The following WDHD1 variants were observed in gnomAD, a reference collection of about 807,000 sequenced individuals.
The protein encoded by WDHD1 is WD repeat and HMG-box DNA binding protein 1.
WDHD1 carries 111 observed loss-of-function variants against 135.4 expected under a neutral mutation model. The observed-to-expected ratio is 0.82, with a 90% confidence interval of 0.70 to 0.96. The LOEUF is 0.96. Ranked by LOEUF, WDHD1 falls within the 40% of genes least tolerant of loss-of-function variation. The probability of loss-of-function intolerance (pLI) is 0.00; values close to 1 mark genes in which losing one functional copy is unlikely to be tolerated. For synonymous variants in WDHD1, 434 were observed against 439.0 expected, an observed-to-expected ratio of 0.99 and a Z score of 0.14; for missense variants, 1,351 against 1,336.3, an observed-to-expected ratio of 1.01 and a Z score of -0.17.
Position 54,966,519 on chromosome 14 carries a change from G to A in WDHD1, c.2266C>T (p.Gln756Ter). The change falls in exon 18 of 26, where the codon CAA (glutamine) becomes TAA (stop). Residue 756 changes from glutamine (Q) to a stop codon, truncating the protein, a stop_gained. Transcript: ENST00000360586. LOFTEE classifies it high-confidence loss of function. ...AGTTCCTGTTGCTCTTTTGTTGCTT[G>A]ATTTTTAGTGCTCTCTTCATATTCA... Reference protein sequence around the residue: ...GYEYEESTKNQATKEQQELLM... With the variant: ...GYEYEESTKN 7 of 1,607,978 alleles carry A rather than the reference G, an allele frequency of 4.4e-6. No homozygotes were observed. The highest frequency in any genetic ancestry group is 5.9e-6 in the Non-Finnish European group (7 of 1,178,786).
At chr14:54,952,659 A>T (rs1183861270) in intron 24 of WDHD1, among the ~76,000 whole-genome samples, 1 of 152,200 alleles carries the variant, frequency 6.6e-6, no homozygotes, top group Non-Finnish European at 1.5e-5. Context: ...GTTCATATGG[A>T]ACCAAAAAAG....
At chr14:55,009,524 C>T (rs917835958) in intron 4 of WDHD1, among the ~76,000 whole-genome samples, 27 of 151,990 alleles carry the variant, frequency 1.8e-4, no homozygotes, top group Admixed American at 1.3e-3. Flanking sequence ...CTCTGTCTCC[C>T]GGGTTCAAGC....
chr14:54,987,385 T>C lies in WDHD1; in HGVS notation c.1529A>G (p.Lys510Arg). The C allele has an allele frequency of 6.2e-7, 1 of 1,608,828 alleles. No individual in the cohort carries two copies. Among genetic ancestry groups the C allele is most frequent in the Non-Finnish European group, 8.5e-7 (1 of 1,177,724 alleles). The change falls in exon 14 of 26, where the codon AAG becomes AGG. Residue 510 changes from lysine to arginine, a missense_variant and splice_region_variant. This residue lies in a region of WDHD1 where 1,330 missense variants were observed against 1,296.1 expected (regional missense o/e 1.03). Transcript: ENST00000360586. Reference protein sequence around the residue: ...ACESTDELASKLHCLHFSSWD... With the variant: ...ACESTDELASRLHCLHFSSWD... ...AGAACTAAAGTGCAGGCAGTGAAGC[T>C]TGCTAAAAATTAAAACAAGACAGAA...
chr14:54,966,391 A>C, intron 18 of WDHD1, 84 bp downstream of exon 18: 3 of 1,440,146 alleles, frequency 2.1e-6, no homozygotes, highest in Non-Finnish European at 2.8e-6. Context: ...TGTGGGACTT[A>C]GTCCTAATGC....
At chr14:54,964,638 C>CA (rs112754983) in intron 18 of WDHD1, among the ~76,000 whole-genome samples, 1,894 of 126,500 alleles carry the variant, frequency 0.015, 41 homozygotes, top group African/African-American at 0.049. Flanking sequence ...GACTTCGTTT[C>CA]AAAAAAAAAA....
At chr14:55,015,214 G>A (rs1301399495) in intron 2 of WDHD1, among the ~76,000 whole-genome samples, 3 of 151,610 alleles carry the variant, frequency 2.0e-5, no homozygotes. Context: ...GCAAAACCCT[G>A]AGTCTACTAA....
At position 54,963,093 on chromosome 14, in the gene WDHD1, A is replaced by G; in HGVS notation, c.2390T>C (p.Ile797Thr). 1 of 1,580,656 alleles carries G rather than the reference A, an allele frequency of 6.3e-7. No homozygotes were observed. Among genetic ancestry groups the G allele is most frequent in the South Asian group, 1.1e-5 (1 of 90,582 alleles). Residue 797 changes from isoleucine (I) to threonine (T), a missense_variant, in exon 19 of 26, where the codon ATT becomes ACT. Transcript: ENST00000360586. ...LMTQNAVNLA[I>T]KYASRSRKLI... ...TTTCCGAGAGCGAGAAGCATATTTAATGGCTAAATTCACAGCATTTTGAGT... is the reference window on the plus strand; with the variant it reads ...TTTCCGAGAGCGAGAAGCATATTTAGTGGCTAAATTCACAGCATTTTGAGT...
intron 16 of WDHD1, among the ~76,000 whole-genome samples, chr14:54,976,381 C>G (rs984922738): frequency 1.3e-5 from 2 of 152,012 alleles, no homozygotes; most frequent in Non-Finnish European, 2.9e-5. Context: ...ACCACCATGC[C>G]TGGCAGGGTC....
At chr14:54,946,651 C>T (rs1297699986) in intron 24 of WDHD1, among the ~76,000 whole-genome samples, 2 of 152,066 alleles carry the variant, frequency 1.3e-5, no homozygotes, top group African/African-American at 4.8e-5. Context: ...ACACACCTGG[C>T]TGATTTTAAA....
intron 11 of WDHD1, among the ~76,000 whole-genome samples, chr14:54,995,323 TTCTC>T (rs1484959688): frequency 1.3e-5 from 2 of 152,140 alleles, no homozygotes; most frequent in Middle Eastern, 3.2e-3. Context: ...CTCATTGACT[TTCTC>T]TATAGGTTTT....
At chr14:54,959,883 T>C (rs2041223100) in intron 21 of WDHD1, among the ~76,000 whole-genome samples, 1 of 152,162 alleles carries the variant, frequency 6.6e-6, no homozygotes, top group Admixed American at 6.6e-5. Context: ...TTTATAAAAG[T>C]TTCCCCTTTT....
At position 54,981,524 on chromosome 14, in the gene WDHD1, T is replaced by A; in HGVS notation, c.2063+16A>T. 6.2e-7 allele frequency: 1 copy of A among 1,607,692 alleles called. No homozygotes were observed. The highest frequency in any genetic ancestry group is 8.5e-7 in the Non-Finnish European group (1 of 1,178,014). ...TTTTAAAAAGAGTCAACTTTAGACTTCTTTTAATAGCCCACCTTAGTTGCT... is the reference window on the plus strand; with the variant it reads ...TTTTAAAAAGAGTCAACTTTAGACTACTTTTAATAGCCCACCTTAGTTGCT... On this transcript the variant is annotated intron_variant, in intron 16 of 25. Coordinates refer to ENST00000360586, the MANE Select transcript of WDHD1 (RefSeq NM_007086.4).
intron 2 of WDHD1, among the ~76,000 whole-genome samples, chr14:55,025,014 C>T (rs1452404781): frequency 1.1e-5 from 1 of 92,664 alleles, no homozygotes; most frequent in African/African-American, 3.1e-5. Flanking sequence ...GCAGTTGAGA[C>T]AAGAGGAAGG....
At chr14:54,954,398 C>T (rs2041116629) in intron 24 of WDHD1, among the ~76,000 whole-genome samples, 1 of 152,140 alleles carries the variant, frequency 6.6e-6, no homozygotes, top group African/African-American at 2.4e-5. Context: ...ACTCATATTG[C>T]TAAAGGTGTA....
At chr14:54,995,033 T>C (rs920574499) in intron 11 of WDHD1, among the ~76,000 whole-genome samples, 1 of 152,212 alleles carries the variant, frequency 6.6e-6, no homozygotes, top group African/African-American at 2.4e-5. Flanking sequence ...CATGCTGGCA[T>C]GCAGTTGACG....
chr14:55,016,837 G>A (rs2042269114), intron 2 of WDHD1, among the ~76,000 whole-genome samples: 1 of 152,180 alleles, frequency 6.6e-6, no homozygotes, highest in Non-Finnish European at 1.5e-5. Flanking sequence ...GTTTTCTGGT[G>A]CAAGCATAAA....
intron 7 of WDHD1, chr14:55,004,966 C>G (rs2042040135): frequency 3.5e-5 from 19 of 540,738 alleles, no homozygotes; most frequent in South Asian, 2.6e-4. Context: ...GACCAGTCTG[C>G]AACCTCAGGT....
chr14:55,008,922 G>A (rs186886826), intron 4 of WDHD1, among the ~76,000 whole-genome samples: 44 of 151,430 alleles, frequency 2.9e-4, no homozygotes, highest in African/African-American at 9.7e-4. Flanking sequence ...TCAGCCTCCC[G>A]AGTAGCTGGG....
At chr14:54,980,186 C>T (rs779814229) in intron 16 of WDHD1, among the ~76,000 whole-genome samples, 11 of 151,704 alleles carry the variant, frequency 7.3e-5, no homozygotes, top group South Asian at 2.1e-4. Flanking sequence ...TGTGGTGGTG[C>T]GTGCCTGTAG....
Sources: allele counts gnomAD v4.1 joint callset (sites outside exome capture counted in the v4.1 genomes callset), GRCh38; gene constraint gnomAD v4.1.1; regional missense constraint gnomAD v4.1.1; transcripts MANE v1.5; gene names NCBI Gene and HGNC (gene_info 2026-07-23, HGNC 2026-07-21).